RERE: variants seen among roughly 807,000 people sequenced by gnomAD.
The protein encoded by RERE is arginine-glutamic acid dipeptide repeats protein.
Under a neutral mutation model 146.1 loss-of-function variants are expected in RERE, and 40 were observed. The observed-to-expected ratio is 0.27, with a 90% confidence interval of 0.21 to 0.36. The LOEUF is 0.36. Among genes scored for constraint, RERE ranks in the 10% least tolerant of loss-of-function variants. The probability of loss-of-function intolerance (pLI) is 1.00; values close to 1 mark genes in which losing one functional copy is unlikely to be tolerated. For synonymous variants in RERE, 1,003 were observed against 866.0 expected, an observed-to-expected ratio of 1.16 and a Z score of -2.78; for missense variants, 1,933 against 2,138.7, an observed-to-expected ratio of 0.90 and a Z score of 1.90.
chr1:8,429,472 T>C (rs895360355), intron 11 of RERE, among the ~76,000 whole-genome samples: 4 of 152,224 alleles, frequency 2.6e-5, no homozygotes, highest in African/African-American at 9.6e-5. Context: ...CATCTACACA[T>C]GAAACTCCCA....
At chr1:8,742,889 A>T (rs967981278) in intron 1 of RERE, among the ~76,000 whole-genome samples, 1 of 150,318 alleles carries the variant, frequency 6.7e-6, no homozygotes, top group Non-Finnish European at 1.5e-5. Flanking sequence ...AAAAAAAAGT[A>T]TAATCTTGAA....
chr1:8,570,321 A>T (rs1646205072), intron 4 of RERE, among the ~76,000 whole-genome samples: 1 of 152,046 alleles, frequency 6.6e-6, no homozygotes, highest in Non-Finnish European at 1.5e-5. Context: ...ACAGAGTGAG[A>T]CTCCATCTCA....
rs1283230609 is a variant in RERE at position 8,423,962 on chromosome 1, C to T, written c.1204-1155G>A. ...CACCCGGCGCTGGAATCTGTGTCCT[C>T]CTTCCGGACAGGAGAACATCAAGGC... On this transcript the variant is annotated intron_variant, in intron 11 of 22. Coordinates refer to ENST00000400908, the MANE Select transcript of RERE (RefSeq NM_001042681.2). The surrounding 1 kb of genome is among the most constrained non-coding windows in gnomAD (Gnocchi z 5.4). The T allele has an allele frequency of 2.0e-5, 3 of 151,562 alleles. No individual in the cohort carries two copies. Among genetic ancestry groups the T allele is most frequent in the Non-Finnish European group, 2.9e-5 (2 of 67,830 alleles). The allele number at this position is 151,562 out of a possible 1,614,324, so 9.4% of individuals were successfully genotyped here.
chr1:8,673,082 A>T (rs960075217), intron 1 of RERE, among the ~76,000 whole-genome samples: 4 of 152,114 alleles, frequency 2.6e-5, no homozygotes, highest in African/African-American at 9.7e-5. Flanking sequence ...TATCATTTAG[A>T]GGAGCCTAAT....
At chr1:8,809,668 A>G (rs1052355371) in intron 1 of RERE, among the ~76,000 whole-genome samples, 1 of 152,246 alleles carries the variant, frequency 6.6e-6, no homozygotes, top group Non-Finnish European at 1.5e-5. Context: ...ATACAAAATA[A>G]TAATTCATTT....
At chr1:8,368,959 G>A (rs964786748) in intron 12 of RERE, among the ~76,000 whole-genome samples, 3 of 152,076 alleles carry the variant, frequency 2.0e-5, no homozygotes, top group African/African-American at 4.8e-5. Flanking sequence ...CAGCTACTTG[G>A]GAGATCAAGG....
rs749296830 is a variant in RERE, at chr1:8,500,062, C to G, written c.880-2533G>C. On this transcript the variant is annotated intron_variant, in intron 8 of 22. Coordinates refer to ENST00000400908, the MANE Select transcript of RERE (RefSeq NM_001042681.2). ...TTGAAACCTGGGAGGCGGAGGTTCC[C>G]GTGAGCTGAGATTGCACCACTGCAC... 8.5e-5 allele frequency among the ~76,000 whole-genome samples: 13 copies of G among 152,246 alleles called. No individual in the cohort carries two copies. In the South Asian group the frequency reaches 1.2e-3, roughly 15 times the overall value.
chr1:8,652,849 T>C (rs987912349), intron 2 of RERE, among the ~76,000 whole-genome samples: 10 of 152,168 alleles, frequency 6.6e-5, no homozygotes, highest in African/African-American at 2.4e-4. Context: ...GAGGACTTCC[T>C]ATAATCATAG....
Position 8,408,281 on chromosome 1 carries a change from T to C in RERE, c.1284+14446A>G, listed in dbSNP as rs148227680. ...AATAAACCTAATCAAAGCCGAGTAG[T>C]AACAAAGGGCACCAGAAACATTTCT... On this transcript the variant is annotated intron_variant, in intron 12 of 22. Transcript: ENST00000400908. Among the ~76,000 whole-genome samples the C allele has an allele frequency of 4.0e-3, 601 of 152,080 alleles. 3 individuals are homozygous for C. The highest frequency in any genetic ancestry group is 0.014 in the African/African-American group (577 of 41,480).
At chr1:8,380,040 G>A (rs994492874) in intron 12 of RERE, among the ~76,000 whole-genome samples, 1 of 152,270 alleles carries the variant, frequency 6.6e-6, no homozygotes, top group Non-Finnish European at 1.5e-5. Flanking sequence ...CCACTCCAAC[G>A]CCCACCTCAC....
At chr1:8,548,023 G>C (rs1389511627) in intron 6 of RERE, among the ~76,000 whole-genome samples, 1 of 152,206 alleles carries the variant, frequency 6.6e-6, no homozygotes, top group African/African-American at 2.4e-5. Flanking sequence ...AAAAGAGAAT[G>C]AGAAAGTCCT....
In RERE at chr1:8,359,772, G is replaced by C; in HGVS notation, c.3610C>G (p.Arg1204Gly). 6.2e-7 allele frequency: 1 copy of C among 1,600,398 alleles called. No homozygotes were observed. The highest frequency in any genetic ancestry group is 8.5e-7 in the Non-Finnish European group (1 of 1,179,342). The change falls in exon 19 of 23, where the codon CGG becomes GGG. Residue 1204 changes from arginine (R) to glycine (G), a missense_variant. Coordinates refer to ENST00000400908, the MANE Select transcript of RERE (RefSeq NM_001042681.2). Reference protein sequence around the residue: ...REREREREAERAAKASSSAHE... With the variant: ...REREREREAEGAAKASSSAHE... ...GCCAACCCTGGACTCACAGCCGCCC[G>C]CTCTGCCTCGCGCTCCCGCTCTCGC...
chr1:8,560,139 G>C (rs552608988), intron 4 of RERE, among the ~76,000 whole-genome samples: 1 of 152,246 alleles, frequency 6.6e-6, no homozygotes, highest in Non-Finnish European at 1.5e-5. Context: ...GCAGTGCTTG[G>C]GGATGCATTC....
chr1:8,367,699 G>A (rs1304968346), intron 12 of RERE, among the ~76,000 whole-genome samples: 1 of 152,170 alleles, frequency 6.6e-6, no homozygotes, highest in African/African-American at 2.4e-5. Flanking sequence ...TGCAGATACT[G>A]CCATTGGAAT....
At chr1:8,570,330 CA>C (rs1289124267) in intron 4 of RERE, among the ~76,000 whole-genome samples, 2 of 151,418 alleles carry the variant, frequency 1.3e-5, no homozygotes, top group African/African-American at 4.9e-5. Flanking sequence ...GACTCCATCT[CA>C]AAAAATAATA....
chr1:8,691,896 A>ACAGT lies in RERE; in HGVS notation c.-144-35459_-144-35456dup, dbSNP rs1639215311. On this transcript the variant is annotated intron_variant, in intron 1 of 22. Transcript: ENST00000400908. Reference sequence around the variant, plus strand: ...AGTTCTAACCTCCTCTAAGAAGTGCACAGTACCTGTTGCATAGTAAGCCCC... The same window carrying ACAGT: ...AGTTCTAACCTCCTCTAAGAAGTGCACAGTCAGTACCTGTTGCATAGTAAGCCCC... 2.0e-5 allele frequency among the ~76,000 whole-genome samples: 3 copies of ACAGT among 152,334 alleles called. No homozygotes were observed. In the East Asian group the frequency reaches 5.8e-4, roughly 29 times the overall value.
chr1:8,494,340 C>T (rs1336357804), intron 10 of RERE, among the ~76,000 whole-genome samples: 1 of 152,182 alleles, frequency 6.6e-6, no homozygotes, highest in Non-Finnish European at 1.5e-5. Context: ...AGTACAAAAA[C>T]ACGGCTTCTA....
At chr1:8,607,594 G>A (rs1250119749) in intron 4 of RERE, among the ~76,000 whole-genome samples, 5 of 121,776 alleles carry the variant, frequency 4.1e-5, no homozygotes, top group Non-Finnish European at 6.4e-5. Flanking sequence ...CGTCGAGGCT[G>A]CAGTGCAGTG....
At chr1:8,548,186 G>T (rs1645889839) in intron 6 of RERE, among the ~76,000 whole-genome samples, 1 of 152,200 alleles carries the variant, frequency 6.6e-6, no homozygotes, top group Non-Finnish European at 1.5e-5. Context: ...AAAAGAAAAT[G>T]CTGGAAGGAT....
Sources: gnomAD v4.1 joint callset for allele counts (sites outside exome capture counted in the v4.1 genomes callset) on GRCh38, gnomAD v4.1.1 for gene constraint, Gnocchi (gnomAD v3.1) non-coding constraint, MANE v1.5 for transcripts, NCBI Gene and HGNC (gene_info 2026-07-23, HGNC 2026-07-21) for gene names.